The following SUOX variants were observed in gnomAD, a reference collection of about 807,000 sequenced individuals.
SUOX encodes sulfite oxidase, also known as sulfite oxidase, mitochondrial.
SUOX carries 39 observed loss-of-function variants against 41.9 expected under a neutral mutation model. The observed-to-expected ratio is 0.93, with a 90% CI of 0.72 to 1.21. The LOEUF is 1.21. Among genes scored for constraint, SUOX ranks in the 50% most tolerant of loss-of-function variants. SUOX has a pLI of 0.00. For synonymous variants in SUOX, 220 were observed against 268.4 expected (o/e 0.82, Z 1.76); for missense variants, 633 against 689.5 (o/e 0.92, Z 0.92).
At chr12:55,998,550 G>C (rs963715693) in intron 2 of SUOX, among the ~76,000 whole-genome samples, 6 of 151,480 alleles carry the variant, frequency 4.0e-5, no homozygotes, top group African/African-American at 1.5e-4. Context: ...TCAGGGGCAG[G>C]GGGAGGGGAG....
chr12:56,002,233 G>A lies in SUOX; in HGVS notation c.12G>A (p.Leu4=). The change falls in exon 3 of 5, where the codon CTG becomes CTA. Residue 4 remains leucine (L), a synonymous_variant. Coordinates refer to ENST00000266971, the MANE Select transcript of SUOX (RefSeq NM_001032386.2). ...ACAGGTCTGCTACAATGCTGCTGCT[G>A]CACAGAGCTGTGGTCCTCAGGCTCC... is the stretch of plus-strand genomic sequence containing the variant. The part of the protein sequence containing the change: MLL[L]HRAVVLRLQQ... The A allele has an allele frequency of 6.2e-7, 1 of 1,612,968 alleles. No individual in the cohort carries two copies. Among genetic ancestry groups the A allele is most frequent in the Non-Finnish European group, 8.5e-7 (1 of 1,180,024 alleles).
At position 56,004,473 on chromosome 12, in the gene SUOX, G is replaced by A. The variant is rs757559168; in HGVS notation, c.1084G>A (p.Gly362Ser). 140 of 1,614,036 alleles carry A rather than the reference G, an allele frequency of 8.7e-5. No homozygotes were observed. The highest frequency in any genetic ancestry group is 1.1e-4 in the Non-Finnish European group (130 of 1,180,038). The stretch of plus-strand genomic sequence containing the variant: ...TGGGCAGCCTCTGCCACGTGACCAC[G>A]GCTTCCCTGTGCGTGTGGTGGTTCC... ...MNGQPLPRDH[G>S]FPVRVVVPGV... is the part of the protein sequence containing the mutation. The change falls in exon 5 of 5, where the codon GGC becomes AGC. Residue 362 changes from glycine to serine, a missense_variant. Gly to Ser is a moderately conservative substitution (Grantham distance 56). Transcript: ENST00000266971. This position sits in a 1 kb window ranked among gnomAD's most constrained non-coding sequence, Gnocchi z 4.5.
In SUOX at chr12:56,004,831, G is replaced by A. The variant is rs575678301; in HGVS notation, c.1442G>A (p.Arg481His). 72 of 1,614,160 alleles carry A rather than the reference G, an allele frequency of 4.5e-5. 1 individual carries two copies. Among genetic ancestry groups the A allele is most frequent in the South Asian group, 4.0e-4 (36 of 91,078 alleles). Residue 481 changes from arginine to histidine, a missense_variant, in exon 5 of 5, where the codon CGC becomes CAC. By Grantham distance (29) the Arg-to-His change is conservative. Coordinates refer to ENST00000266971, the MANE Select transcript of SUOX (RefSeq NM_001032386.2). This position sits in a 1 kb window ranked among gnomAD's most constrained non-coding sequence, Gnocchi z 4.5. ...QVAKLDGEEQRPRKAWAWRLW... is the reference protein window; with the variant it reads ...QVAKLDGEEQHPRKAWAWRLW... ...GCTAAGCTGGATGGAGAGGAACAGC[G>A]CCCCAGGAAGGCCTGGGCATGGCGT... is the stretch of plus-strand genomic sequence containing the variant.
At chr12:56,001,510 T>C (rs1267095954) in intron 2 of SUOX, 1 of 153,938 alleles carries the variant, frequency 6.5e-6, no homozygotes, top group Non-Finnish European at 1.4e-5. Flanking sequence ...AATATAGGGT[T>C]TGGTGCAATC....
In SUOX at chr12:56,002,017, C is replaced by T; in HGVS notation, c.-10-195C>T. On this transcript the variant is annotated intron_variant, in intron 2 of 4. Coordinates refer to ENST00000266971, the MANE Select transcript of SUOX (RefSeq NM_001032386.2). Reference sequence around the variant, plus strand: ...CCACCCGCATTACCTGCCATCCTGTCAGCACAGTCTGTCTCTGAAGTGCTC... The same window carrying T: ...CCACCCGCATTACCTGCCATCCTGTTAGCACAGTCTGTCTCTGAAGTGCTC... 9 of 1,459,304 alleles carry T rather than the reference C, an allele frequency of 6.2e-6. No individual in the cohort carries two copies. The South Asian group carries it at 1.1e-4, about 18-fold the overall frequency. 90.4% of individuals were successfully genotyped at this position (1,459,304 alleles called of 1,614,324 possible). A position where few individuals can be genotyped will look rare whatever the true frequency, so the allele number is the denominator to read the frequency against.
rs191923216 is a variant in SUOX, at chr12:56,003,557, G to A, written c.229-61G>A. 1,506 of 1,554,340 alleles carry A rather than the reference G, an allele frequency of 9.7e-4. 6 individuals carry two copies. The highest frequency in any genetic ancestry group is 6.3e-3 in the Middle Eastern group (35 of 5,514). Reference sequence around the variant, plus strand: ...ATTACAGTTGTGAGTCACCACGCCCGACCAAGTGATTTCTTCTTAATAGTC... The same window carrying A: ...ATTACAGTTGTGAGTCACCACGCCCAACCAAGTGATTTCTTCTTAATAGTC... On this transcript the variant is annotated intron_variant, in intron 4 of 4. Coordinates refer to ENST00000266971, the MANE Select transcript of SUOX (RefSeq NM_001032386.2).
At chr12:55,999,860 C>T (rs1254025990) in intron 2 of SUOX, among the ~76,000 whole-genome samples, 1 of 152,152 alleles carries the variant, frequency 6.6e-6, no homozygotes, top group Non-Finnish European at 1.5e-5. Flanking sequence ...ACATCCCCAC[C>T]AGATTAGCTA....
In SUOX at chr12:56,002,677, T is replaced by C; in HGVS notation, c.185T>C (p.Leu62Ser). ...GGATGGAGAGTCATGGGGACCCTATTAGGTCTCGGTGCAGTGTTGGCCTAT... is the reference window on the plus strand; with the variant it reads ...GGATGGAGAGTCATGGGGACCCTATCAGGTCTCGGTGCAGTGTTGGCCTAT... ...TQGWRVMGTL[L>S]GLGAVLAYQD... The change falls in exon 4 of 5, where the codon TTA becomes TCA. Residue 62 changes from leucine to serine, a missense_variant. Leu to Ser is a moderately radical substitution (Grantham distance 145). Coordinates refer to ENST00000266971, the MANE Select transcript of SUOX (RefSeq NM_001032386.2). The C allele has an allele frequency of 1.2e-6, 2 of 1,614,030 alleles. No individual in the cohort carries two copies. The highest frequency in any genetic ancestry group is 1.7e-6 in the Non-Finnish European group (2 of 1,179,996).
At chr12:55,998,782 A>C (rs1434453649) in intron 2 of SUOX, among the ~76,000 whole-genome samples, 1 of 150,980 alleles carries the variant, frequency 6.6e-6, no homozygotes, top group African/African-American at 2.4e-5. Context: ...GCCATGATCG[A>C]CACTTGCTCC....
Position 56,005,237 on chromosome 12 carries a change from T to C in SUOX, c.*210T>C. On this transcript the variant is annotated 3_prime_UTR_variant, in exon 5 of 5. Coordinates refer to ENST00000266971, the MANE Select transcript of SUOX (RefSeq NM_001032386.2). The stretch of plus-strand genomic sequence containing the variant: ...TGGCCTTTGAACCTGTGCCAGGAAG[T>C]GTGAGCTGTTACAGCAAGGGGCTAG... The C allele has an allele frequency of 1.6e-6, 1 of 625,756 alleles. No homozygotes were observed. Among genetic ancestry groups the C allele is most frequent in the East Asian group, 2.7e-5 (1 of 36,508 alleles). The allele number at this position is 625,756 out of a possible 1,614,324, so 38.8% of individuals were successfully genotyped here.
intron 3 of SUOX, 109 bp from the exon 4 acceptor site, chr12:56,002,434 T>A (rs1890566407): frequency 6.5e-7 from 1 of 1,544,094 alleles, no homozygotes; most frequent in Non-Finnish European, 8.9e-7. Flanking sequence ...AGAAACTAAG[T>A]TCCAACTTAA....
Position 56,003,856 on chromosome 12 carries a change from A to C in SUOX, c.467A>C (p.Lys156Thr). The C allele has an allele frequency of 1.2e-6, 2 of 1,614,078 alleles. No homozygotes were observed. Among genetic ancestry groups the C allele is most frequent in the Non-Finnish European group, 1.7e-6 (2 of 1,180,018 alleles). ...GTGCGTGAGTTACTGGCTCAGTACA[A>C]GATTGGGGAGCTGAATCCTGAAGAC... Reference protein sequence around the residue: ...SHVRELLAQYKIGELNPEDKV... With the variant: ...SHVRELLAQYTIGELNPEDKV... The change falls in exon 5 of 5, where the codon AAG becomes ACG. Residue 156 changes from lysine (K) to threonine (T), a missense_variant. By Grantham distance (78) the Lys-to-Thr change is moderately conservative. Coordinates refer to ENST00000266971, the MANE Select transcript of SUOX (RefSeq NM_001032386.2).
chr12:55,998,153 GTTATTA>G (rs1890376028), intron 2 of SUOX, among the ~76,000 whole-genome samples: 1 of 152,112 alleles, frequency 6.6e-6, no homozygotes, highest in Non-Finnish European at 1.5e-5. Context: ...CAAAGACAAT[GTTATTA>G]CAGCAGTCTC....
At chr12:56,001,966 AGCACCCATCCCTCCT>A (rs1890545932) in intron 2 of SUOX, 2 of 1,375,112 alleles carry the variant, frequency 1.5e-6, no homozygotes, top group Non-Finnish European at 1.9e-6. Context: ...TGATTCTAGA[AGCACCCATCCCTCCT>A]ACCCCATTCC....
In SUOX at chr12:56,005,261, A is replaced by G. The variant is rs1890702321; in HGVS notation, c.*234A>G. The G allele has an allele frequency of 6.6e-6, 4 of 603,138 alleles. No homozygotes were observed. The highest frequency in any genetic ancestry group is 1.2e-5 in the Non-Finnish European group (4 of 339,528). 37.4% of individuals were successfully genotyped at this position (603,138 alleles called of 1,614,324 possible). A position where few individuals can be genotyped will look rare whatever the true frequency, so the allele number is the denominator to read the frequency against. Reference sequence around the variant, plus strand: ...GTGTGAGCTGTTACAGCAAGGGGCTAGAAGTGAAAAAAGTAATTCTGGAGA... The same window carrying G: ...GTGTGAGCTGTTACAGCAAGGGGCTGGAAGTGAAAAAAGTAATTCTGGAGA... On this transcript the variant is annotated 3_prime_UTR_variant, in exon 5 of 5. Coordinates refer to ENST00000266971, the MANE Select transcript of SUOX (RefSeq NM_001032386.2).
chr12:56,004,701 GTAGA>G lies in SUOX; in HGVS notation c.1313_1316del (p.Val438AspfsTer5), dbSNP rs778431071. The stretch of plus-strand genomic sequence containing the variant: ...CACAGAGCCCCGGGATGGAGAGACT[GTAGA>G]ATCAGGGGAGGTGACCATCAAGGGC... On this transcript the variant is annotated frameshift_variant, in exon 5 of 5. Transcript: ENST00000266971. LOFTEE classifies it high-confidence loss of function. The surrounding 1 kb of genome is among the most constrained non-coding windows in gnomAD (Gnocchi z 4.5). 5.6e-6 allele frequency: 9 copies of G among 1,614,180 alleles called. No homozygotes were observed. In the African/African-American group the frequency reaches 9.3e-5, roughly 17 times the overall value.
intron 2 of SUOX, among the ~76,000 whole-genome samples, chr12:56,000,416 C>T (rs1034349119): frequency 1.3e-5 from 2 of 152,246 alleles, no homozygotes; most frequent in African/African-American, 4.8e-5. Context: ...CCGGGGCCGG[C>T]AGGGCCAGCC....
chr12:55,999,291 C>T (rs1890422585), intron 2 of SUOX: 1 of 152,584 alleles, frequency 6.6e-6, no homozygotes, highest in Admixed American at 6.5e-5. Flanking sequence ...GATGGGACCA[C>T]AGGTGCGCTC....
At chr12:56,003,290 T>A (rs944659835) in intron 4 of SUOX, among the ~76,000 whole-genome samples, 3 of 151,726 alleles carry the variant, frequency 2.0e-5, no homozygotes, top group African/African-American at 7.3e-5. Flanking sequence ...AGATGGAGTT[T>A]CACTCTTGTT....
Sources: gnomAD v4.1 joint callset for allele counts (sites outside exome capture counted in the v4.1 genomes callset) on GRCh38, gnomAD v4.1.1 for gene constraint, Gnocchi (gnomAD v3.1) non-coding constraint, MANE v1.5 for transcripts, NCBI Gene and HGNC (gene_info 2026-07-23, HGNC 2026-07-21) for gene names.